OCRL: variants seen among roughly 807,000 people sequenced by gnomAD.
OCRL encodes OCRL inositol polyphosphate-5-phosphatase.
In OCRL, 8 loss-of-function variants were observed where a neutral mutation model predicts 78.9. The observed-to-expected ratio is 0.10, with a 90% CI of 0.06 to 0.18. The LOEUF is 0.18. Among genes scored for constraint, OCRL ranks in the 10% least tolerant of loss-of-function variants. The pLI is 1.00. For synonymous variants in OCRL, 240 were observed against 235.4 expected (o/e 1.02, Z -0.18); for missense variants, 454 against 696.7 (o/e 0.65, Z 3.92).
chrX:129,567,938 G>T (rs1419728358), intron 14 of OCRL, among the ~76,000 whole-genome samples: 1 of 91,138 alleles, frequency 1.1e-5, no homozygotes, highest in Non-Finnish European at 2.1e-5. Flanking sequence ...ACGGAGTCTC[G>T]CTCTGTCGCC....
In OCRL at chrX:129,576,200, T is replaced by C. The variant is rs1051041490; in HGVS notation, c.1880-117T>C. 4.5e-6 allele frequency: 4 copies of C among 893,474 alleles called. No individual in the cohort carries two copies. The African/African-American group carries it at 7.9e-5, about 18-fold the overall frequency. 73.6% of individuals were successfully genotyped at this position (893,474 alleles called of 1,213,427 possible). A position where few individuals can be genotyped will look rare whatever the true frequency, so the allele number is the denominator to read the frequency against. ...ATACCTCTGGTGTGTGTCCTGTCTC[T>C]TCCCCCTCATTGCTTAATGATTTTT... On this transcript the variant is annotated intron_variant, in intron 17 of 23. Transcript: ENST00000371113.
chrX:129,553,616 ATCT>A (rs974866028), intron 4 of OCRL, among the ~76,000 whole-genome samples: 18 of 112,174 alleles, frequency 1.6e-4, no homozygotes, highest in African/African-American at 2.3e-4. Context: ...GATAGGAGTG[ATCT>A]TCTTCCTTGT....
chrX:129,569,843 T>C (rs1050644181), intron 15 of OCRL, among the ~76,000 whole-genome samples: 2 of 96,941 alleles, frequency 2.1e-5, no homozygotes, highest in African/African-American at 7.4e-5. Flanking sequence ...ATTTTTTCTT[T>C]TTTTTTTTTT....
intron 9 of OCRL, 54 bp downstream of exon 9, chrX:129,560,705 A>G (rs888676754): frequency 8.1e-6 from 7 of 858,922 alleles, no homozygotes; most frequent in Non-Finnish European, 1.2e-5. Context: ...GTTCATTTAC[A>G]TGATGTTTTG....
chrX:129,563,713 G>T (rs998277170), intron 12 of OCRL, among the ~76,000 whole-genome samples: 2 of 111,840 alleles, frequency 1.8e-5, no homozygotes, highest in East Asian at 2.8e-4. Context: ...AGGAGTAGAT[G>T]TGGTGGTAGA....
chrX:129,542,497 A>G (rs1297228844), intron 2 of OCRL, among the ~76,000 whole-genome samples: 2 of 111,057 alleles, frequency 1.8e-5, no homozygotes, highest in East Asian at 2.8e-4. Flanking sequence ...CAACTAATAT[A>G]GTTGTTGCTA....
chrX:129,573,286 T>C (rs1217569161), intron 15 of OCRL, among the ~76,000 whole-genome samples: 2 of 111,809 alleles, frequency 1.8e-5, no homozygotes, highest in Admixed American at 1.9e-4. Flanking sequence ...TACATAGGTA[T>C]GTGTGCCATG....
chrX:129,558,618 G>A lies in OCRL; in HGVS notation c.440-15G>A, dbSNP rs201469600. The stretch of plus-strand genomic sequence containing the variant: ...GATTTTTTCCCCGTTTGACTTTGGG[G>A]TCTGTGTCTTTCAGGGCTTCTTGGA... On this transcript the variant is annotated splice_polypyrimidine_tract_variant and intron_variant, in intron 6 of 23. Coordinates refer to ENST00000371113, the MANE Select transcript of OCRL (RefSeq NM_000276.4). 6 of 1,211,082 alleles carry A rather than the reference G, an allele frequency of 5.0e-6. No individual in the cohort carries two copies. Among genetic ancestry groups the A allele is most frequent in the South Asian group, 1.8e-5 (1 of 56,975 alleles).
At chrX:129,577,171 A>G (rs998498541) in intron 18 of OCRL, among the ~76,000 whole-genome samples, 4 of 111,783 alleles carry the variant, frequency 3.6e-5, no homozygotes, top group Non-Finnish European at 7.5e-5. Flanking sequence ...CAATGGAATC[A>G]GAATCTCAGG....
Position 129,548,579 on chromosome X carries a change from T to C in OCRL, c.216T>C (p.Leu72=), listed in dbSNP as rs1284701108. 21 of 1,203,612 alleles carry C rather than the reference T, an allele frequency of 1.7e-5. No homozygotes were observed. The highest frequency in any genetic ancestry group is 2.4e-5 in the Non-Finnish European group (21 of 889,462). The stretch of plus-strand genomic sequence containing the variant: ...CCCTCTCAGAAGCAGAAGAAACTCT[T>C]TTGATTGACATAGCTTCTAACAGTG... ...FRCVQEAEET[L]LIDIASNSGC... The change falls in exon 4 of 24, where the codon CTT becomes CTC. Residue 72 remains leucine (L), a synonymous_variant. Transcript: ENST00000371113.
In OCRL at chrX:129,559,342, G is replaced by A. The variant is rs1456965004; in HGVS notation, c.722+341G>A. On this transcript the variant is annotated intron_variant, in intron 8 of 23. Coordinates refer to ENST00000371113, the MANE Select transcript of OCRL (RefSeq NM_000276.4). ...GCCCTGCAAGTAGGTGGAACTACAG[G>A]TGCACACCACCACATCCAGCTAATA... Among the ~76,000 whole-genome samples, 3 of 111,541 alleles carry A rather than the reference G, an allele frequency of 2.7e-5. No individual in the cohort carries two copies. The Admixed American group carries it at 2.9e-4, about 11-fold the overall frequency.
At chrX:129,546,921 C>G (rs1360644719) in intron 3 of OCRL, among the ~76,000 whole-genome samples, 2 of 111,248 alleles carry the variant, frequency 1.8e-5, no homozygotes, top group Non-Finnish European at 3.8e-5. Flanking sequence ...ACCCCTGCAT[C>G]TATTTTGTAA....
chrX:129,576,956 G>A (rs1206612005), intron 18 of OCRL, among the ~76,000 whole-genome samples: 1 of 111,881 alleles, frequency 8.9e-6, no homozygotes, highest in South Asian at 3.8e-4. Flanking sequence ...AGACATTGAC[G>A]TGCCCAGAGT....
rs890469665 is a variant in OCRL at position 129,555,195 on chromosome X, G to C, written c.239-2130G>C. The stretch of plus-strand genomic sequence containing the variant: ...ATATTGTTTTTAAAGTGCCTCTGGT[G>C]GCCAAGCACAGTGGCTCATGCCTGT... On this transcript the variant is annotated intron_variant, in intron 4 of 23. Coordinates refer to ENST00000371113, the MANE Select transcript of OCRL (RefSeq NM_000276.4). Among the ~76,000 whole-genome samples the C allele has an allele frequency of 5.5e-5, 6 of 109,161 alleles. No homozygotes were observed. In the Admixed American group the frequency reaches 5.9e-4, roughly 11 times the overall value. 94.8% of individuals were successfully genotyped at this position (109,161 alleles called of 115,157 possible). A position where few individuals can be genotyped will look rare whatever the true frequency, so the allele number is the denominator to read the frequency against.
At chrX:129,540,901 C>A in intron 2 of OCRL, 78 bp downstream of exon 2, 2 of 846,005 alleles carry the variant, frequency 2.4e-6, no homozygotes, top group Non-Finnish European at 3.6e-6. Context: ...GGGTCACCCA[C>A]TGTCCTCCTA....
In OCRL at chrX:129,566,634, G is replaced by A. The variant is rs150866216; in HGVS notation, c.1357-620G>A. Reference sequence around the variant, plus strand: ...ATTCGAATAATCTTTAAATCGTTATGAGAGCCTTTTCAACCTTCAGACGTA... The same window carrying A: ...ATTCGAATAATCTTTAAATCGTTATAAGAGCCTTTTCAACCTTCAGACGTA... On this transcript the variant is annotated intron_variant, in intron 13 of 23. Transcript: ENST00000371113. Among the ~76,000 whole-genome samples, 336 of 112,326 alleles carry A rather than the reference G, an allele frequency of 3.0e-3. 1 individual carries two copies. Among genetic ancestry groups the A allele is most frequent in the Non-Finnish European group, 4.1e-3 (216 of 53,286 alleles).
At chrX:129,544,303 T>A (rs1213208310) in intron 2 of OCRL, among the ~76,000 whole-genome samples, 1 of 111,072 alleles carries the variant, frequency 9.0e-6, no homozygotes, top group Non-Finnish European at 1.9e-5. Context: ...TTACTCATGT[T>A]TATGTAGAAA....
Position 129,576,000 on chromosome X carries a change from A to G in OCRL, c.1817A>G (p.Asn606Ser), listed in dbSNP as rs1395885905. ...CATTTTTCTTTCATCCCTAAACTTA[A>G]TGACAGCCAGTACTGCAAGCCATGG... ...PCHFSFIPKL[N>S]DSQYCKPWLR... The change falls in exon 17 of 24, where the codon AAT (asparagine) becomes AGT (serine). Residue 606 changes from asparagine (N) to serine (S), a missense_variant. Around this residue, in one of 2 missense-constraint regions of OCRL, gnomAD observed 277 missense variants for 517.1 expected, o/e 0.54. Coordinates refer to ENST00000371113, the MANE Select transcript of OCRL (RefSeq NM_000276.4). 1 of 1,210,193 alleles carries G rather than the reference A, an allele frequency of 8.3e-7. No individual in the cohort carries two copies. The highest frequency in any genetic ancestry group is 1.1e-6 in the Non-Finnish European group (1 of 895,121).
intron 8 of OCRL, 39 bp downstream of exon 8, chrX:129,559,040 T>C: frequency 8.8e-7 from 1 of 1,137,252 alleles, no homozygotes; most frequent in Non-Finnish European, 1.2e-6. Flanking sequence ...AAAAAGTTAG[T>C]ATATATAACA....
Sources: gnomAD v4.1 joint callset for allele counts (sites outside exome capture counted in the v4.1 genomes callset) on GRCh38, gnomAD v4.1.1 for gene constraint, gnomAD v4.1.1 regional missense constraint, MANE v1.5 for transcripts, NCBI Gene and HGNC (gene_info 2026-07-23, HGNC 2026-07-21) for gene names.